ART1: variants seen among roughly 807,000 people sequenced by gnomAD.
The protein encoded by ART1 is GPI-linked NAD(P)(+)--arginine ADP-ribosyltransferase 1.
A neutral mutation model predicts 27.0 loss-of-function variants in ART1; 29 were observed. The ratio of observed to expected loss-of-function variants is 1.08; its 90% confidence interval spans 0.80 to 1.47. The LOEUF (loss-of-function observed/expected upper bound fraction) is 1.47. Among genes scored for constraint, ART1 ranks in the 40% most tolerant of loss-of-function variants. The pLI is 0.00. For synonymous variants in ART1, 201 were observed against 172.2 expected (o/e 1.17, Z -1.31); for missense variants, 480 against 423.0 (o/e 1.13, Z -1.18).
At chr11:3,661,301 C>A (rs1417405377) in intron 3 of ART1, 71 bp from the exon 4 acceptor site, 9 of 1,414,646 alleles carry the variant, frequency 6.4e-6, no homozygotes, top group Non-Finnish European at 7.8e-6. Context: ...GATGGACTAC[C>A]AGGGCTCTGA....
chr11:3,653,760 G>C (rs1444434697), intron 1 of ART1, among the ~76,000 whole-genome samples: 3 of 151,922 alleles, frequency 2.0e-5, no homozygotes, highest in Non-Finnish European at 4.4e-5. Context: ...TAGCCCATCA[G>C]ACATCAAGTC....
intron 2 of ART1, 93 bp from the exon 3 acceptor site, chr11:3,659,490 C>T: frequency 6.9e-7 from 1 of 1,459,008 alleles, no homozygotes; most frequent in Non-Finnish European, 9.2e-7. Context: ...GGGGCCCTTC[C>T]TGCCTTTCTC....
intron 1 of ART1, among the ~76,000 whole-genome samples, chr11:3,653,561 C>G (rs1010893676): frequency 2.6e-5 from 4 of 152,108 alleles, no homozygotes; most frequent in Non-Finnish European, 5.9e-5. Flanking sequence ...ACTCAGTCCA[C>G]CTGCACTCAG....
chr11:3,659,595 C>T lies in ART1; in HGVS notation c.76C>T (p.Pro26Ser), dbSNP rs1476619791. The T allele has an allele frequency of 5.6e-6, 9 of 1,602,450 alleles. No homozygotes were observed. Among genetic ancestry groups the T allele is most frequent in the Non-Finnish European group, 7.7e-6 (9 of 1,175,660 alleles). ...CCTGTCCCCTCAGGCCCAGAGCCAC[C>T]CCATCACACGACGAGACCTCTTCTC... ...LMEALQAQSH[P>S]ITRRDLFSQE... Residue 26 changes from proline to serine, a missense_variant, in exon 3 of 5, where the codon CCC becomes TCC. Physicochemically the swap from Pro to Ser is moderately conservative, Grantham distance 74. Coordinates refer to ENST00000250693, the MANE Select transcript of ART1 (RefSeq NM_004314.3).
rs375438804 is a variant in ART1 at position 3,664,089 on chromosome 11, C to T, written c.887-3C>T. On this transcript the variant is annotated splice_polypyrimidine_tract_variant and splice_region_variant and intron_variant, in intron 4 of 4. Coordinates refer to ENST00000250693, the MANE Select transcript of ART1 (RefSeq NM_004314.3). ...CCAACCTCTCTGCCTGTTTTCCCTG[C>T]AGCCATGGGTCAGAGCCCCCTCTCT... 115 of 1,613,694 alleles carry T rather than the reference C, an allele frequency of 7.1e-5. 3 individuals are homozygous for T. In the South Asian group the frequency reaches 1.2e-3, roughly 16 times the overall value.
Position 3,659,241 on chromosome 11 carries a change from C to A in ART1, c.28C>A (p.Leu10Ile), listed in dbSNP as rs149674702. 6.8e-6 allele frequency: 11 copies of A among 1,614,086 alleles called. No individual in the cohort carries two copies. Among genetic ancestry groups the A allele is most frequent in the Admixed American group, 3.3e-5 (2 of 60,010 alleles). MQMPAMMSL[L>I]LVSVGLMEAL... ...GCAGATGCCTGCTATGATGTCTCTG[C>A]TTCTTGTGTCTGTGGGCCTCATGGA... The change falls in exon 2 of 5, where the codon CTT (leucine) becomes ATT (isoleucine). Residue 10 changes from leucine (L) to isoleucine (I), a missense_variant. Leu to Ile is a conservative substitution (Grantham distance 5). Coordinates refer to ENST00000250693, the MANE Select transcript of ART1 (RefSeq NM_004314.3).
intron 1 of ART1, among the ~76,000 whole-genome samples, chr11:3,655,888 C>T (rs2077570543): frequency 6.7e-6 from 1 of 149,846 alleles, no homozygotes; most frequent in Non-Finnish European, 1.5e-5. Context: ...GCTCTAGCCT[C>T]CTTGCTGGAC....
intron 1 of ART1, among the ~76,000 whole-genome samples, chr11:3,658,089 T>C (rs2077587675): frequency 6.6e-6 from 1 of 151,754 alleles, no homozygotes; most frequent in South Asian, 2.1e-4. Flanking sequence ...TCCCAACATT[T>C]TGGGAGGCTG....
intron 1 of ART1, among the ~76,000 whole-genome samples, chr11:3,653,626 G>A (rs1008954974): frequency 1.3e-5 from 2 of 152,156 alleles, no homozygotes; most frequent in Non-Finnish European, 2.9e-5. Flanking sequence ...TCTTCACACG[G>A]ACGCGCATGA....
chr11:3,659,247 G>T lies in ART1; in HGVS notation c.34G>T (p.Val12Leu), dbSNP rs1404771735. Residue 12 changes from valine to leucine, a missense_variant, in exon 2 of 5, where the codon GTG becomes TTG. Physicochemically the swap from Val to Leu is conservative, Grantham distance 32. Transcript: ENST00000250693. Reference protein sequence around the residue: ...QMPAMMSLLLVSVGLMEALQA... With the variant: ...QMPAMMSLLLLSVGLMEALQA... ...GCCTGCTATGATGTCTCTGCTTCTTGTGTCTGTGGGCCTCATGGAAGCACT... is the reference window on the plus strand; with the variant it reads ...GCCTGCTATGATGTCTCTGCTTCTTTTGTCTGTGGGCCTCATGGAAGCACT... The T allele has an allele frequency of 1.9e-6, 3 of 1,614,212 alleles. No individual in the cohort carries two copies. The Admixed American group carries it at 5.0e-5, about 27-fold the overall frequency.
chr11:3,648,925 CT>C (rs1475693308), intron 1 of ART1, among the ~76,000 whole-genome samples: 6 of 152,066 alleles, frequency 3.9e-5, no homozygotes, highest in Admixed American at 6.5e-5. Flanking sequence ...CCCCCAATCC[CT>C]TATTTCCACA....
At chr11:3,646,476 G>A (rs193008859) in intron 1 of ART1, among the ~76,000 whole-genome samples, 43 of 152,302 alleles carry the variant, frequency 2.8e-4, no homozygotes, top group African/African-American at 9.4e-4. Flanking sequence ...GACTTGCCAT[G>A]GCAAATTAAC....
chr11:3,649,861 G>A (rs560082581), intron 1 of ART1, among the ~76,000 whole-genome samples: 23 of 152,228 alleles, frequency 1.5e-4, no homozygotes, highest in African/African-American at 2.4e-4. Flanking sequence ...TTCATGGCTC[G>A]TTCGGCAGCA....
intron 1 of ART1, among the ~76,000 whole-genome samples, chr11:3,653,034 C>A (rs1243171742): frequency 2.7e-5 from 4 of 148,092 alleles, no homozygotes; most frequent in South Asian, 2.2e-4. Flanking sequence ...AACAACCCCA[C>A]AATATCACCC....
At chr11:3,661,490 CTTT>C (rs530856927) in intron 4 of ART1, 77 bp downstream of exon 4, 8,953 of 317,860 alleles carry the variant, frequency 0.028, 14 homozygotes, top group Middle Eastern at 0.056. Flanking sequence ...TCACCTCGAT[CTTT>C]TTTTTTTTTT....
chr11:3,663,991 T>C, intron 4 of ART1, 101 bp from the exon 5 acceptor site: 1 of 1,079,238 alleles, frequency 9.3e-7, no homozygotes, highest in Non-Finnish European at 1.4e-6. Flanking sequence ...TGCCAATCTC[T>C]CCACCTTGTA....
At chr11:3,653,182 A>G (rs1474404538) in intron 1 of ART1, among the ~76,000 whole-genome samples, 1 of 148,584 alleles carries the variant, frequency 6.7e-6, no homozygotes, top group Non-Finnish European at 1.5e-5. Flanking sequence ...CCAACACTTT[A>G]CCACTATTTC....
intron 4 of ART1, among the ~76,000 whole-genome samples, chr11:3,663,033 A>ATCTCATCTCATCTCATCTCATCTCATC: frequency 1.2e-5 from 1 of 82,410 alleles, no homozygotes; most frequent in African/African-American, 4.8e-5. Context: ...ATCTCATCTC[A>ATCTCATCTCATCTCATCTCATCTCATC]TCATCTCATC....
At chr11:3,653,095 C>G (rs139249338) in intron 1 of ART1, among the ~76,000 whole-genome samples, 1 of 148,132 alleles carries the variant, frequency 6.8e-6, no homozygotes. Flanking sequence ...GAGGTTCCCA[C>G]GCTGCCCCTA....
Sources: gnomAD v4.1 joint callset for allele counts (sites outside exome capture counted in the v4.1 genomes callset) on GRCh38, gnomAD v4.1.1 for gene constraint, MANE v1.5 for transcripts, NCBI Gene and HGNC (gene_info 2026-07-23, HGNC 2026-07-21) for gene names.